Variants in RNF145 observed in about 807,000 individuals in gnomAD.
RNF145 encodes ring finger protein 145.
Under a neutral mutation model 57.3 loss-of-function variants are expected in RNF145, and 12 were observed. The observed-to-expected ratio is 0.21, with a 90% CI of 0.13 to 0.34. The LOEUF (loss-of-function observed/expected upper bound fraction) is 0.34. Ranked by LOEUF, RNF145 falls within the 10% of genes least tolerant of loss-of-function variation. The pLI is 1.00. For missense variants in RNF145, 429 were observed against 799.0 expected, an observed-to-expected ratio of 0.54 and a Z score of 5.58; for synonymous variants, 262 against 288.3, an observed-to-expected ratio of 0.91 and a Z score of 0.92.
intron 2 of RNF145, among the ~76,000 whole-genome samples, chr5:159,202,506 C>T (rs1785704511): frequency 6.6e-6 from 1 of 152,102 alleles, no homozygotes; most frequent in Admixed American, 6.5e-5. Flanking sequence ...TACTTCTTTC[C>T]ACAACAGCTT....
At chr5:159,169,626 T>G in intron 7 of RNF145, 53 bp downstream of exon 7, 1 of 1,365,718 alleles carries the variant, frequency 7.3e-7, no homozygotes, top group Non-Finnish European at 9.7e-7. Flanking sequence ...CATTACTTCC[T>G]CAAGTTATCT....
intron 3 of RNF145, among the ~76,000 whole-genome samples, chr5:159,182,514 T>C (rs945001202): frequency 3.3e-5 from 5 of 152,140 alleles, no homozygotes; most frequent in Non-Finnish European, 4.4e-5. Context: ...AACCACAAAC[T>C]AGTTAGAAAA....
chr5:159,206,354 T>C (rs534059155), intron 1 of RNF145, among the ~76,000 whole-genome samples: 3 of 152,142 alleles, frequency 2.0e-5, no homozygotes, highest in Non-Finnish European at 4.4e-5. Flanking sequence ...ATTTAATACA[T>C]GGAAAATCAA....
At position 159,158,095 on chromosome 5, in the gene RNF145, A is replaced by G. The variant is rs1784101107; in HGVS notation, c.*575T>C. ...CACATACAAAGTATGAGCGTGCTTC[A>G]ATCTTTGAATACAATCAATGCTTCT... is the stretch of plus-strand genomic sequence containing the variant. On this transcript the variant is annotated 3_prime_UTR_variant, in exon 11 of 11. Coordinates refer to ENST00000424310, the MANE Select transcript of RNF145 (RefSeq NM_001199383.2). The G allele has an allele frequency of 6.6e-6, 1 of 151,778 alleles. No homozygotes were observed. The highest frequency in any genetic ancestry group is 1.5e-5 in the Non-Finnish European group (1 of 68,358). 9.4% of individuals were successfully genotyped at this position (151,778 alleles called of 1,614,324 possible).
At chr5:159,204,386 T>TTG (rs1785787464) in intron 1 of RNF145, among the ~76,000 whole-genome samples, 1 of 141,702 alleles carries the variant, frequency 7.1e-6, no homozygotes, top group South Asian at 2.3e-4. Flanking sequence ...TGATAAGTAG[T>TTG]GGGGGGGGGC....
In RNF145 at chr5:159,177,622, C is replaced by T. The variant is rs144748093; in HGVS notation, c.386-755G>A. Reference sequence around the variant, plus strand: ...GTATGAATAAGCTTTTACATTATGACATCCTTGTATAAACTACTTGGAACA... The same window carrying T: ...GTATGAATAAGCTTTTACATTATGATATCCTTGTATAAACTACTTGGAACA... On this transcript the variant is annotated intron_variant, in intron 4 of 10. Coordinates refer to ENST00000424310, the MANE Select transcript of RNF145 (RefSeq NM_001199383.2). 4.0e-4 allele frequency among the ~76,000 whole-genome samples: 61 copies of T among 152,134 alleles called. No individual in the cohort carries two copies. In the South Asian group the frequency reaches 4.1e-3, roughly 10 times the overall value.
rs1189603182 is a variant in RNF145 at position 159,209,499 on chromosome 5, C to T, written c.-308G>A. The T allele has an allele frequency of 2.2e-6, 2 of 919,120 alleles. No individual in the cohort carries two copies. Among genetic ancestry groups the T allele is most frequent in the Non-Finnish European group, 2.5e-6 (2 of 805,102 alleles). The allele number at this position is 919,120 out of a possible 1,614,324, so 56.9% of individuals were successfully genotyped here. A position where few individuals can be genotyped will look rare whatever the true frequency, so the allele number is the denominator to read the frequency against. ...GGCCGAGCCCCTTAGCAGCCGGCGC[C>T]GGCGTCGGCGGCCATGGCCTCCTGC... On this transcript the variant is annotated 5_prime_UTR_variant, in exon 1 of 11. Coordinates refer to ENST00000424310, the MANE Select transcript of RNF145 (RefSeq NM_001199383.2).
intron 3 of RNF145, among the ~76,000 whole-genome samples, chr5:159,184,126 A>T (rs1276819782): frequency 6.6e-6 from 1 of 152,224 alleles, no homozygotes; most frequent in East Asian, 1.9e-4. Flanking sequence ...TGAGGTCCCT[A>T]CCATGTTTTC....
intron 3 of RNF145, 135 bp downstream of exon 3, chr5:159,194,581 G>C (rs1473824373): frequency 1.6e-6 from 1 of 639,864 alleles, no homozygotes; most frequent in African/African-American, 1.8e-5. Context: ...GTAAGATTTG[G>C]AAAATGAGTA....
chr5:159,209,824 G>A (rs1180143643), upstream of RNF145: 1 of 1,534,002 alleles, frequency 6.5e-7, no homozygotes, highest in Non-Finnish European at 8.7e-7. Context: ...CAAACACCAC[G>A]GGCCGCAAGC....
In RNF145 at chr5:159,176,902, T is replaced by A. The variant is rs554403676; in HGVS notation, c.386-35A>T. 2.3e-6 allele frequency: 3 copies of A among 1,282,408 alleles called. No individual in the cohort carries two copies. In the South Asian group the frequency reaches 4.1e-5, roughly 17 times the overall value. 79.4% of individuals were successfully genotyped at this position (1,282,408 alleles called of 1,614,324 possible). Reference sequence around the variant, plus strand: ...GGAATAGAATACATTTAATTTTGAGTATTTGGCATCCACAAAATAAAAACA... The same window carrying A: ...GGAATAGAATACATTTAATTTTGAGAATTTGGCATCCACAAAATAAAAACA... On this transcript the variant is annotated intron_variant, in intron 4 of 10. Transcript: ENST00000424310.
intron 1 of RNF145, among the ~76,000 whole-genome samples, chr5:159,205,417 G>A (rs1235051077): frequency 1.3e-5 from 2 of 152,064 alleles, no homozygotes; most frequent in Non-Finnish European, 2.9e-5. Context: ...CAAAGCCCAT[G>A]ATATTATTAT....
chr5:159,166,825 T>A (rs892665181), intron 8 of RNF145, among the ~76,000 whole-genome samples: 2 of 152,202 alleles, frequency 1.3e-5, no homozygotes, highest in African/African-American at 4.8e-5. Flanking sequence ...AGTTTGAAAG[T>A]ATTTGTTTTA....
Position 159,194,796 on chromosome 5 carries a change from T to C in RNF145, c.213A>G (p.Thr71=), listed in dbSNP as rs756262537. ...GCTGAACCAGATGCTGCCTGGGCAA[T>C]GTTAGCAGCACCACACTTAAGATAT... ...VGYILSVVLL[T]LPRQHLVQLY... is the part of the protein sequence containing the mutation. Residue 71 remains threonine, a synonymous_variant, in exon 3 of 11, where the codon ACA becomes ACG. Transcript: ENST00000424310. 1.9e-6 allele frequency: 3 copies of C among 1,612,706 alleles called. No homozygotes were observed. The highest frequency in any genetic ancestry group is 1.3e-5 in the African/African-American group (1 of 74,926).
intron 3 of RNF145, among the ~76,000 whole-genome samples, chr5:159,185,712 C>A (rs1360013832): frequency 1.3e-5 from 2 of 152,180 alleles, no homozygotes; most frequent in African/African-American, 4.8e-5. Flanking sequence ...TTTCAGAAGA[C>A]TTAAAAGGTA....
chr5:159,210,004 C>A, upstream of RNF145: 1 of 1,006,256 alleles, frequency 9.9e-7, no homozygotes, highest in Non-Finnish European at 1.5e-6. Flanking sequence ...TGCCCAGCAC[C>A]AAGTGCAGGC....
At chr5:159,159,421 T>C (rs1784142247) in intron 10 of RNF145, among the ~76,000 whole-genome samples, 1 of 152,218 alleles carries the variant, frequency 6.6e-6, no homozygotes, top group African/African-American at 2.4e-5. Context: ...GACAGGACTT[T>C]TTCTACAGTT....
intron 6 of RNF145, among the ~76,000 whole-genome samples, chr5:159,171,735 C>T (rs1000307647): frequency 6.6e-6 from 1 of 152,086 alleles, no homozygotes; most frequent in African/African-American, 2.4e-5. Flanking sequence ...CTCCCAATCT[C>T]TTTTTCTAAA....
rs1180663594 is a variant in RNF145, at chr5:159,159,035, C to A, written c.1627G>T (p.Asp543Tyr). Residue 543 changes from aspartate to tyrosine, a missense_variant and splice_region_variant, in exon 11 of 11, where the codon GAC becomes TAC. Asp to Tyr is a radical substitution (Grantham distance 160). This residue lies in a region of RNF145 where 216 missense variants were observed against 457.6 expected (regional missense o/e 0.47). Transcript: ENST00000424310. ...GGCGTGATCACAGCAGATTTCATGT[C>A]CTAAAAGAGGGGGAAAAAAGATACC... ...HNDICAICYQ[D>Y]MKSAVITPCS... 6.2e-7 allele frequency: 1 copy of A among 1,605,586 alleles called. No homozygotes were observed. Among genetic ancestry groups the A allele is most frequent in the Non-Finnish European group, 8.5e-7 (1 of 1,174,884 alleles).
Sources: gnomAD v4.1 joint callset for allele counts (sites outside exome capture counted in the v4.1 genomes callset) on GRCh38, gnomAD v4.1.1 for gene constraint, gnomAD v4.1.1 regional missense constraint, MANE v1.5 for transcripts, NCBI Gene and HGNC (gene_info 2026-07-23, HGNC 2026-07-21) for gene names.